The following GREB1 variants were observed in gnomAD, a reference collection of about 807,000 sequenced individuals.
The protein encoded by GREB1 is protein GREB1.
A neutral mutation model predicts 200.7 loss-of-function variants in GREB1; 106 were observed. The observed-to-expected ratio is 0.53, with a 90% CI of 0.45 to 0.62. The LOEUF is 0.62. Ranked by LOEUF, GREB1 falls within the 20% of genes least tolerant of loss-of-function variation. The pLI is 0.00. For missense variants in GREB1, 2,243 were observed against 2,556.8 expected, an observed-to-expected ratio of 0.88 and a Z score of 2.65; for synonymous variants, 1,132 against 1,092.4, an observed-to-expected ratio of 1.04 and a Z score of -0.72.
intron 1 of GREB1, among the ~76,000 whole-genome samples, chr2:11,514,868 G>C (rs75557916): frequency 6.6e-6 from 1 of 152,236 alleles, no homozygotes; most frequent in Admixed American, 6.5e-5. Context: ...CCAGTGCTTA[G>C]TGCTGTGCTT....
chr2:11,594,677 A>G (rs1203580729), intron 11 of GREB1, among the ~76,000 whole-genome samples: 1 of 118,248 alleles, frequency 8.5e-6, no homozygotes, highest in African/African-American at 4.3e-5. Flanking sequence ...TCTTAAACCC[A>G]TTCTGTGTTT....
intron 3 of GREB1, among the ~76,000 whole-genome samples, chr2:11,566,245 G>T (rs552733838): frequency 6.6e-6 from 1 of 152,232 alleles, no homozygotes; most frequent in East Asian, 1.9e-4. Context: ...TTGAACTCCT[G>T]ACCTCAAGTG....
chr2:11,592,186 T>TA, intron 10 of GREB1: 1 of 598,260 alleles, frequency 1.7e-6, no homozygotes, highest in Non-Finnish European at 2.1e-6. Context: ...CTTTTTTTTT[T>TA]CTTTTTTTTT....
In GREB1 at chr2:11,492,805, C is replaced by CAAGGCAAGCAAGAGTCCA. The variant is rs1453977221; in HGVS notation, c.-159+10425_-159+10426insAGGCAAGCAAGAGTCCAA. On this transcript the variant is annotated intron_variant, in intron 1 of 2. Coordinates refer to the GREB1 transcript ENST00000628795. This position sits in a 1 kb window ranked among gnomAD's most constrained non-coding sequence, Gnocchi z 4.0. ...AGGTGACCCCTAGTGCCTGTGGGGC[C>CAAGGCAAGCAAGAGTCCA]AGCAAGAGTCTCCAAGGCAGTTGTG... Among the ~76,000 whole-genome samples, 1 of 152,186 alleles carries CAAGGCAAGCAAGAGTCCA rather than the reference C, an allele frequency of 6.6e-6. No individual in the cohort carries two copies. The highest frequency in any genetic ancestry group is 2.4e-5 in the African/African-American group (1 of 41,446).
At chr2:11,483,611 G>A (rs991225572) in intron 1 of GREB1, among the ~76,000 whole-genome samples, 1 of 151,640 alleles carries the variant, frequency 6.6e-6, no homozygotes, top group South Asian at 2.1e-4. Context: ...GATGCTTCAG[G>A]GGAGGTGGGG....
At chr2:11,505,449 C>T (rs1673159268) in intron 1 of GREB1, among the ~76,000 whole-genome samples, 1 of 152,204 alleles carries the variant, frequency 6.6e-6, no homozygotes, top group South Asian at 2.1e-4. Context: ...TTCACACAAG[C>T]AGTTCTCTCC....
At chr2:11,484,030 C>G (rs572014434) in intron 1 of GREB1, among the ~76,000 whole-genome samples, 3 of 152,128 alleles carry the variant, frequency 2.0e-5, no homozygotes, top group Non-Finnish European at 4.4e-5. Flanking sequence ...CTGCATTTAA[C>G]CTGGGAGTTA....
At chr2:11,484,064 C>T (rs1672586728) in intron 1 of GREB1, among the ~76,000 whole-genome samples, 2 of 152,140 alleles carry the variant, frequency 1.3e-5, no homozygotes, top group African/African-American at 2.4e-5. Context: ...TGAGCTCCAT[C>T]TTCTATAAAT....
chr2:11,626,984 G>A lies in GREB1; in HGVS notation c.4329G>A (p.Pro1443=), dbSNP rs372794424. 1.5e-4 allele frequency: 238 copies of A among 1,614,006 alleles called. No individual in the cohort carries two copies. The highest frequency in any genetic ancestry group is 2.2e-4 in the East Asian group (10 of 44,894). The change falls in exon 25 of 33, where the codon CCG becomes CCA. Residue 1443 remains proline (P), a synonymous_variant. Transcript: ENST00000381486. The part of the protein sequence containing the change: ...KSEDRGMSRK[P]EDLYVRRQTA... ...CAGACAGAGGGATGTCCCGGAAGCCGGAGGACCTTTATGTGCGGCGTCAGA... is the reference window on the plus strand; with the variant it reads ...CAGACAGAGGGATGTCCCGGAAGCCAGAGGACCTTTATGTGCGGCGTCAGA...
At chr2:11,539,312 CAGT>C (rs1186801593) in intron 1 of GREB1, among the ~76,000 whole-genome samples, 1 of 150,478 alleles carries the variant, frequency 6.6e-6, no homozygotes, top group Non-Finnish European at 1.5e-5. Context: ...CGGCCTCCCA[CAGT>C]GCTGGGATTA....
chr2:11,601,128 C>A, intron 16 of GREB1, 133 bp downstream of exon 16: 1 of 699,662 alleles, frequency 1.4e-6, no homozygotes, highest in South Asian at 2.1e-5. Flanking sequence ...TGGTTCAACC[C>A]AGAGTTAGGT....
intron 1 of GREB1, among the ~76,000 whole-genome samples, chr2:11,538,926 CGTGTCCCCTCCCCTCCCCTCGTG>C (rs1674496590): frequency 2.9e-5 from 1 of 34,392 alleles, no homozygotes; most frequent in Non-Finnish European, 7.0e-5. Flanking sequence ...CCCCTCCCCT[CGTGTCCCCTCCCCTCCCCTCGTG>C]TCCCCTCCCC....
At position 11,618,292 on chromosome 2, in the gene GREB1, A is replaced by G. The variant is rs369946113; in HGVS notation, c.3417A>G (p.Ser1139=). ...SSSLSSKASG[S]ALGGESSAQP... is the part of the protein sequence containing the mutation. The stretch of plus-strand genomic sequence containing the variant: ...ACCATGTTCGTCTCTCCTCAGGTTC[A>G]GCGCTCGGTGGCGAGTCCTCGGCTC... The change falls in exon 22 of 33, where the codon TCA becomes TCG. Residue 1139 remains serine (S), a synonymous_variant. Coordinates refer to ENST00000381486, the MANE Select transcript of GREB1 (RefSeq NM_014668.4). 7.1e-6 allele frequency: 11 copies of G among 1,556,240 alleles called. No individual in the cohort carries two copies. The highest frequency in any genetic ancestry group is 2.8e-5 in the African/African-American group (2 of 72,530).
At chr2:11,521,903 C>T (rs1673717212) in intron 1 of GREB1, among the ~76,000 whole-genome samples, 1 of 152,144 alleles carries the variant, frequency 6.6e-6, no homozygotes, top group Non-Finnish European at 1.5e-5. Flanking sequence ...TCCACTGTAC[C>T]AGGCCCTGTT....
At chr2:11,619,930 T>C (rs573128213) in intron 22 of GREB1, among the ~76,000 whole-genome samples, 17 of 152,222 alleles carry the variant, frequency 1.1e-4, no homozygotes, top group Non-Finnish European at 2.1e-4. Flanking sequence ...GAACCAAGCA[T>C]TGGGCTCGGT....
At chr2:11,587,847 C>T (rs1572831733) in intron 9 of GREB1, 1 of 1,025,128 alleles carries the variant, frequency 9.8e-7, no homozygotes, top group Non-Finnish European at 1.2e-6. Flanking sequence ...AAGCTTCTTG[C>T]TTAGCATCAT....
intron 24 of GREB1, 66 bp from the exon 25 acceptor site, chr2:11,626,896 G>C: frequency 6.4e-7 from 1 of 1,560,406 alleles, no homozygotes. Flanking sequence ...GTTTCTGTTT[G>C]AGCAGGCAGG....
chr2:11,588,247 C>A, intron 9 of GREB1: 1 of 993,428 alleles, frequency 1.0e-6, no homozygotes, highest in Non-Finnish European at 1.2e-6. Context: ...AAAAGAATGA[C>A]TCAGTCTTCT....
intron 4 of GREB1, among the ~76,000 whole-genome samples, chr2:11,574,838 A>G (rs1047616288): frequency 2.9e-4 from 44 of 152,226 alleles, no homozygotes; most frequent in African/African-American, 1.0e-3. Context: ...AAGCGAGCAC[A>G]TGGAGAGGAC....
Sources: allele counts gnomAD v4.1 joint callset (sites outside exome capture counted in the v4.1 genomes callset), GRCh38; gene constraint gnomAD v4.1.1; non-coding constraint Gnocchi (gnomAD v3.1); transcripts MANE v1.5; gene names NCBI Gene and HGNC (gene_info 2026-07-23, HGNC 2026-07-21).